The following RANBP10 variants were observed in gnomAD, a reference collection of about 807,000 sequenced individuals.
The protein encoded by RANBP10 is ran-binding protein 10.
In RANBP10, 24 loss-of-function variants were observed where a neutral mutation model predicts 72.8. The observed-to-expected ratio is 0.33, with a 90% CI of 0.24 to 0.46. The LOEUF is 0.46. Ranked by LOEUF, RANBP10 falls within the 20% of genes least tolerant of loss-of-function variation. The pLI is 1.00. For synonymous variants in RANBP10, 310 were observed against 322.3 expected, an observed-to-expected ratio of 0.96 and a Z score of 0.41; for missense variants, 679 against 817.5, an observed-to-expected ratio of 0.83 and a Z score of 2.07.
chr16:67,799,011 C>T (rs547526138), intron 2 of RANBP10, among the ~76,000 whole-genome samples: 2 of 151,306 alleles, frequency 1.3e-5, no homozygotes, highest in East Asian at 3.9e-4. Context: ...CTGCAACCTT[C>T]ACCTCCCAGG....
At chr16:67,766,204 C>T (rs2054499556) in intron 3 of RANBP10, among the ~76,000 whole-genome samples, 1 of 152,158 alleles carries the variant, frequency 6.6e-6, no homozygotes, top group East Asian at 1.9e-4. Flanking sequence ...CACCTCCCCA[C>T]CAAAATACCA....
At chr16:67,786,230 G>A (rs2054915200) in intron 2 of RANBP10, among the ~76,000 whole-genome samples, 1 of 152,040 alleles carries the variant, frequency 6.6e-6, no homozygotes, top group African/African-American at 2.4e-5. Context: ...TTGGGATGCT[G>A]AGGTGGAAGG....
chr16:67,795,258 G>C (rs934214503), intron 2 of RANBP10, among the ~76,000 whole-genome samples: 8 of 150,194 alleles, frequency 5.3e-5, no homozygotes, highest in Non-Finnish European at 1.2e-4. Flanking sequence ...AAAATAAATA[G>C]GCTGGGTGCG....
At position 67,727,823 on chromosome 16, in the gene RANBP10, G is replaced by A. The variant is rs148375697; in HGVS notation, c.1548C>T (p.Arg516=). The change falls in exon 12 of 14, where the codon CGC becomes CGT. Residue 516 remains arginine, a synonymous_variant. Transcript: ENST00000317506. ...AATERIILFG[R]ELQALSEQLG... ...ACTGCTCACTCAATGCCTGCAACTCGCGGCCAAACAGAATGATCCTTTCTG... is the reference window on the plus strand; with the variant it reads ...ACTGCTCACTCAATGCCTGCAACTCACGGCCAAACAGAATGATCCTTTCTG... 3.9e-3 allele frequency: 6,363 copies of A among 1,614,148 alleles called. 51 individuals carry two copies. The highest frequency in any genetic ancestry group is 0.023 in the African/African-American group (1,751 of 75,024).
intron 2 of RANBP10, among the ~76,000 whole-genome samples, chr16:67,802,693 GTT>G (rs1418600063): frequency 1.3e-5 from 2 of 152,134 alleles, no homozygotes; most frequent in Non-Finnish European, 2.9e-5. Context: ...CAACAGCCAT[GTT>G]TACCACATGT....
chr16:67,777,493 G>A (rs565476447), intron 2 of RANBP10, among the ~76,000 whole-genome samples: 7 of 151,946 alleles, frequency 4.6e-5, no homozygotes, highest in South Asian at 2.1e-4. Context: ...CCGAGATCGC[G>A]CCACTGCACT....
At chr16:67,741,825 T>A (rs538452032) in intron 4 of RANBP10, among the ~76,000 whole-genome samples, 24 of 152,250 alleles carry the variant, frequency 1.6e-4, no homozygotes, top group African/African-American at 5.5e-4. Context: ...GCAGAAGACA[T>A]CATTCCGCTG....
chr16:67,799,285 C>CT (rs869030467), intron 2 of RANBP10, among the ~76,000 whole-genome samples: 4,663 of 113,970 alleles, frequency 0.041, 372 homozygotes, highest in African/African-American at 0.14. Context: ...CTCCACATCT[C>CT]TTTTTTTTTT....
At chr16:67,728,669 G>GGAA in intron 10 of RANBP10, 158 bp from the exon 11 acceptor site, 2 of 1,363,678 alleles carry the variant, frequency 1.5e-6, no homozygotes, top group African/African-American at 1.4e-5. Flanking sequence ...TTCAGCACTT[G>GGAA]GCCCCTACTG....
At chr16:67,779,345 C>G (rs1238731851) in intron 2 of RANBP10, among the ~76,000 whole-genome samples, 1 of 149,336 alleles carries the variant, frequency 6.7e-6, no homozygotes, top group South Asian at 2.1e-4. Context: ...TGCAGTGAGC[C>G]GAGATGGCAC....
intron 13 of RANBP10, 60 bp downstream of exon 13, chr16:67,727,267 C>A: frequency 6.7e-7 from 1 of 1,483,258 alleles, no homozygotes. Flanking sequence ...CCACTGCACT[C>A]CAGCTTGGGC....
chr16:67,767,490 T>C (rs1229820928), intron 3 of RANBP10, among the ~76,000 whole-genome samples: 1 of 144,758 alleles, frequency 6.9e-6, no homozygotes, highest in Non-Finnish European at 1.5e-5. Flanking sequence ...AGCCAGGCAC[T>C]GTAACTCGCG....
At chr16:67,805,232 T>C (rs1418665782) in intron 2 of RANBP10, among the ~76,000 whole-genome samples, 196 bp downstream of exon 2, 1 of 152,172 alleles carries the variant, frequency 6.6e-6, no homozygotes, top group African/African-American at 2.4e-5. Context: ...ATCCCTGCTT[T>C]ACCCCCAACA....
intron 2 of RANBP10, among the ~76,000 whole-genome samples, chr16:67,785,187 G>A (rs2054892296): frequency 6.6e-6 from 1 of 151,702 alleles, no homozygotes; most frequent in Admixed American, 6.6e-5. Flanking sequence ...ATTCCATCCT[G>A]GGTGACAGAT....
intron 6 of RANBP10, among the ~76,000 whole-genome samples, chr16:67,732,062 C>A (rs1004697018): frequency 1.3e-5 from 2 of 152,208 alleles, no homozygotes; most frequent in African/African-American, 2.4e-5. Context: ...AGCCCCTCTG[C>A]AGGCTGTGCC....
At chr16:67,792,323 G>C (rs1437447297) in intron 2 of RANBP10, among the ~76,000 whole-genome samples, 1 of 152,030 alleles carries the variant, frequency 6.6e-6, no homozygotes, top group East Asian at 1.9e-4. Flanking sequence ...GGGAGGCCGA[G>C]GCAGGCGGAT....
Position 67,744,454 on chromosome 16 carries a change from A to G in RANBP10, c.402T>C (p.Gly134=). 6.2e-7 allele frequency: 1 copy of G among 1,612,322 alleles called. No individual in the cohort carries two copies. The highest frequency in any genetic ancestry group is 8.5e-7 in the Non-Finnish European group (1 of 1,178,928). ...AQGVNMNRLP[G]WDKHSYGYHG... is the part of the protein sequence containing the mutation. ...GGTAACCATAGGAATGTTTGTCCCA[A>G]CCTGTGGGGGAAGAGAGCAGCAATA... The change falls in exon 4 of 14, where the codon GGT becomes GGC. Residue 134 remains glycine (G), a splice_region_variant and synonymous_variant. Coordinates refer to ENST00000317506, the MANE Select transcript of RANBP10 (RefSeq NM_020850.3).
At chr16:67,737,191 T>C (rs1292563447) in intron 5 of RANBP10, among the ~76,000 whole-genome samples, 2 of 143,874 alleles carry the variant, frequency 1.4e-5, no homozygotes, top group Non-Finnish European at 3.0e-5. Flanking sequence ...TCCATCCTTT[T>C]CTTTTTTTTT....
At chr16:67,744,170 T>C in intron 4 of RANBP10, 118 bp downstream of exon 4, 1 of 1,493,818 alleles carries the variant, frequency 6.7e-7, no homozygotes, top group South Asian at 1.4e-5. Context: ...TGCCTGGAAA[T>C]GGTGCGGTAC....
Sources: gnomAD v4.1 joint callset for allele counts (sites outside exome capture counted in the v4.1 genomes callset) on GRCh38, gnomAD v4.1.1 for gene constraint, MANE v1.5 for transcripts, NCBI Gene and HGNC (gene_info 2026-07-23, HGNC 2026-07-21) for gene names.